The following DOCK9 variants were observed in gnomAD, a reference collection of about 807,000 sequenced individuals.
DOCK9 encodes the protein dedicator of cytokinesis 9.
Under a neutral mutation model 263.3 loss-of-function variants are expected in DOCK9, and 89 were observed. The observed-to-expected ratio is 0.34, with a 90% CI of 0.28 to 0.40. The LOEUF (loss-of-function observed/expected upper bound fraction) is 0.40. Among genes scored for constraint, DOCK9 ranks in the 10% least tolerant of loss-of-function variants. The probability of loss-of-function intolerance (pLI) is 1.00; values close to 1 mark genes in which losing one functional copy is unlikely to be tolerated. For synonymous variants in DOCK9, 976 were observed against 973.1 expected (o/e 1.00, Z -0.06); for missense variants, 2,140 against 2,603.4 (o/e 0.82, Z 3.87).
chr13:98,883,169 T>C, intron 22 of DOCK9, 38 bp from the exon 23 acceptor site: 1 of 1,513,154 alleles, frequency 6.6e-7, no homozygotes, highest in Non-Finnish European at 9.1e-7. Context: ...AGAAAGTCTA[T>C]TAGAATACAC....
intron 2 of DOCK9, among the ~76,000 whole-genome samples, chr13:98,938,902 A>G (rs2055347748): frequency 6.6e-6 from 1 of 152,220 alleles, no homozygotes; most frequent in Admixed American, 6.5e-5. Context: ...AATCTCCCAG[A>G]GAAGTGGGTG....
At chr13:98,861,627 G>A (rs2141898462) in intron 32 of DOCK9, among the ~76,000 whole-genome samples, 1 of 152,268 alleles carries the variant, frequency 6.6e-6, no homozygotes, top group Admixed American at 6.5e-5. Context: ...CAAGAAATTT[G>A]ATAGTGATAA....
At chr13:98,885,575 G>C (rs2045573033) in intron 20 of DOCK9, 133 bp downstream of exon 20, 2 of 944,998 alleles carry the variant, frequency 2.1e-6, no homozygotes, top group African/African-American at 3.4e-5. Context: ...ACCCAGACAT[G>C]CTACATATCC....
At chr13:99,080,460 C>T (rs1425026651) in intron 1 of DOCK9, among the ~76,000 whole-genome samples, 2 of 152,186 alleles carry the variant, frequency 1.3e-5, no homozygotes. Context: ...GAAAAAAAAT[C>T]TATTTCAGGA....
At chr13:99,005,749 G>T (rs1883226258) in intron 1 of DOCK9, among the ~76,000 whole-genome samples, 1 of 152,176 alleles carries the variant, frequency 6.6e-6, no homozygotes, top group African/African-American at 2.4e-5. Flanking sequence ...ATATTTATCA[G>T]GTGACTTTAT....
At chr13:98,914,519 G>T in intron 8 of DOCK9, 124 bp from the exon 9 acceptor site, 2 of 759,006 alleles carry the variant, frequency 2.6e-6, no homozygotes, top group Non-Finnish European at 4.3e-6. Flanking sequence ...CACTCTGGAT[G>T]CTCCTGGGAA....
chr13:98,976,659 T>C (rs756953609), intron 1 of DOCK9, among the ~76,000 whole-genome samples: 7 of 152,164 alleles, frequency 4.6e-5, no homozygotes, highest in Non-Finnish European at 1.0e-4. Flanking sequence ...TTCTAAACAA[T>C]GTAGCAGAGG....
At chr13:98,892,744 G>A (rs1006785413) in intron 15 of DOCK9, among the ~76,000 whole-genome samples, 2 of 152,160 alleles carry the variant, frequency 1.3e-5, no homozygotes, top group African/African-American at 4.8e-5. Context: ...CTTTCACAGA[G>A]TATGTACAAA....
At chr13:98,870,546 A>G (rs1324352025) in intron 27 of DOCK9, among the ~76,000 whole-genome samples, 1 of 152,146 alleles carries the variant, frequency 6.6e-6, no homozygotes, top group African/African-American at 2.4e-5. Context: ...GGCCTTCACA[A>G]TGGGGCTGAG....
chr13:98,990,623 G>A (rs1171411465), intron 1 of DOCK9, among the ~76,000 whole-genome samples: 2 of 152,168 alleles, frequency 1.3e-5, no homozygotes, highest in African/African-American at 4.8e-5. Context: ...GCTCCCCAAG[G>A]CTGGTGTGCC....
intron 15 of DOCK9, among the ~76,000 whole-genome samples, chr13:98,890,718 C>T (rs1258763306): frequency 1.3e-5 from 2 of 152,192 alleles, no homozygotes; most frequent in African/African-American, 2.4e-5. Flanking sequence ...AGCAGCCTCA[C>T]GTGTCACTCC....
chr13:98,945,521 C>T (rs1263876249), intron 2 of DOCK9, among the ~76,000 whole-genome samples: 2 of 152,110 alleles, frequency 1.3e-5, no homozygotes, highest in Non-Finnish European at 1.5e-5. Context: ...GTCCAGGGTC[C>T]ACCTCCAAAG....
chr13:99,044,191 T>A (rs1888742684), intron 1 of DOCK9, among the ~76,000 whole-genome samples: 1 of 152,204 alleles, frequency 6.6e-6, no homozygotes, highest in African/African-American at 2.4e-5. Flanking sequence ...CAACCCTGTG[T>A]ATTCACTGCC....
Position 98,915,360 on chromosome 13 carries a change from C to T in DOCK9, c.861G>A (p.Met287Ile), listed in dbSNP as rs772951305. ...KILQLNFEAA[M>I]QEKRNGDSHE... is the part of the protein sequence containing the mutation. Reference sequence around the variant, plus strand: ...GAGAGTCGCCATTTCGCTTTTCTTGCATTGCAGCTTCAAAGTTGAGCTGGA... The same window carrying T: ...GAGAGTCGCCATTTCGCTTTTCTTGTATTGCAGCTTCAAAGTTGAGCTGGA... Residue 287 changes from methionine to isoleucine, a missense_variant, in exon 8 of 53, where the codon ATG (methionine) becomes ATA (isoleucine). By Grantham distance (10) the Met-to-Ile change is conservative. Transcript: ENST00000682017. The T allele has an allele frequency of 1.2e-6, 2 of 1,613,896 alleles. No homozygotes were observed. The highest frequency in any genetic ancestry group is 4.5e-5 in the East Asian group (2 of 44,880).
intron 7 of DOCK9, among the ~76,000 whole-genome samples, chr13:98,919,003 C>G (rs1281517235): frequency 2.6e-5 from 4 of 152,208 alleles, no homozygotes; most frequent in Admixed American, 6.5e-5. Context: ...AATGAAGAAA[C>G]AGCAGTGAAC....
intron 1 of DOCK9, among the ~76,000 whole-genome samples, chr13:98,996,018 G>A (rs1202074595): frequency 6.6e-6 from 1 of 152,276 alleles, no homozygotes; most frequent in East Asian, 1.9e-4. Context: ...GGCCTTGTTA[G>A]CCATGGCAGG....
chr13:98,920,530 G>A (rs775486513), intron 7 of DOCK9, among the ~76,000 whole-genome samples: 9 of 139,808 alleles, frequency 6.4e-5, no homozygotes, highest in African/African-American at 1.1e-4. Flanking sequence ...CTCAATCTGC[G>A]CTGAAACCTA....
At chr13:98,826,355 G>T (rs955553669) in intron 44 of DOCK9, among the ~76,000 whole-genome samples, 5 of 152,196 alleles carry the variant, frequency 3.3e-5, no homozygotes, top group Non-Finnish European at 7.3e-5. Context: ...GTGCACAAAT[G>T]AAGCGTCACT....
chr13:98,929,022 GTATT>G lies in DOCK9; in HGVS notation c.333+1142_333+1145del, dbSNP rs367657091. On this transcript the variant is annotated intron_variant, in intron 3 of 52. Coordinates refer to ENST00000682017, the MANE Select transcript of DOCK9 (RefSeq NM_001366683.2). The stretch of plus-strand genomic sequence containing the variant: ...TGTTATTTAATTGGTCTTTATAAGA[GTATT>G]TATAGCTTCCTTATAGTAAGCAATT... Among the ~76,000 whole-genome samples the G allele has an allele frequency of 7.0e-4, 107 of 151,988 alleles. 1 individual carries two copies. In the South Asian group the frequency reaches 0.019, roughly 27 times the overall value.
Sources: gnomAD v4.1 joint callset for allele counts (sites outside exome capture counted in the v4.1 genomes callset) on GRCh38, gnomAD v4.1.1 for gene constraint, MANE v1.5 for transcripts, NCBI Gene and HGNC (gene_info 2026-07-23, HGNC 2026-07-21) for gene names.